TRPM3: variants seen among roughly 807,000 people sequenced by gnomAD.
TRPM3 encodes the protein long transient receptor potential channel 3.
TRPM3 carries 77 observed loss-of-function variants against 181.2 expected under a neutral mutation model. That is an observed-to-expected ratio of 0.42 (90% CI 0.35 to 0.51). The LOEUF is 0.51. Among genes scored for constraint, TRPM3 ranks in the 20% least tolerant of loss-of-function variants. The pLI, the probability that TRPM3 is intolerant of heterozygous loss-of-function variation, is 0.01. For missense variants in TRPM3, 1,759 were observed against 2,196.7 expected (o/e 0.80, Z 3.98); for synonymous variants, 745 against 796.4 (o/e 0.94, Z 1.09).
chr9:70,888,023 A>G (rs1303716943), intron 1 of TRPM3, among the ~76,000 whole-genome samples: 1 of 152,172 alleles, frequency 6.6e-6, no homozygotes, highest in Non-Finnish European at 1.5e-5. Context: ...TACAATGGTA[A>G]TGAACAGTCA....
intron 22 of TRPM3, among the ~76,000 whole-genome samples, chr9:70,587,607 CTTTTCT>C (rs2057360462): frequency 1.3e-5 from 2 of 152,186 alleles, no homozygotes; most frequent in South Asian, 2.1e-4. Flanking sequence ...TGCTGCTCCT[CTTTTCT>C]AAGTGGCTTT....
chr9:70,670,221 A>G (rs1215622385), intron 9 of TRPM3, among the ~76,000 whole-genome samples: 1 of 152,162 alleles, frequency 6.6e-6, no homozygotes, highest in Non-Finnish European at 1.5e-5. Context: ...TTCTGGCATA[A>G]TTATTAATAC....
At chr9:70,779,884 A>C (rs1242683323) in intron 7 of TRPM3, among the ~76,000 whole-genome samples, 1 of 152,182 alleles carries the variant, frequency 6.6e-6, no homozygotes, top group African/African-American at 2.4e-5. Context: ...TATGCCAATG[A>C]GAAAAAAAAT....
intron 1 of TRPM3, among the ~76,000 whole-genome samples, chr9:71,306,529 T>C (rs2087338833): frequency 6.6e-6 from 1 of 152,214 alleles, no homozygotes; most frequent in Admixed American, 6.5e-5. Context: ...GAAAATAGAT[T>C]ATAAATTCAC....
chr9:70,921,430 G>A (rs1304824212), intron 1 of TRPM3, among the ~76,000 whole-genome samples: 2 of 152,204 alleles, frequency 1.3e-5, no homozygotes, highest in African/African-American at 4.8e-5. Flanking sequence ...TTCACAAAGA[G>A]GAAAGCTACA....
chr9:70,881,085 T>A (rs535010008), intron 1 of TRPM3, among the ~76,000 whole-genome samples: 1 of 152,148 alleles, frequency 6.6e-6, no homozygotes, highest in African/African-American at 2.4e-5. Flanking sequence ...TTTTGTTAAA[T>A]TTTTTTTAAC....
At position 71,229,059 on chromosome 9, in the gene TRPM3, T is replaced by A. The variant is rs1266702497; in HGVS notation, c.183+217594A>T. Among the ~76,000 whole-genome samples the A allele has an allele frequency of 5.3e-5, 8 of 152,248 alleles. No individual in the cohort carries two copies. The East Asian group carries it at 1.4e-3, about 26-fold the overall frequency. ...AACTGAAGGAATCACGTTACCTGAC[T>A]TCAAATTATAATACAGAGCTATAGC... is the stretch of plus-strand genomic sequence containing the variant. On this transcript the variant is annotated intron_variant, in intron 1 of 24. Coordinates refer to the TRPM3 transcript ENST00000357533.
intron 1 of TRPM3, among the ~76,000 whole-genome samples, chr9:70,949,419 A>G (rs2096971958): frequency 6.6e-6 from 1 of 152,132 alleles, no homozygotes; most frequent in Non-Finnish European, 1.5e-5. Flanking sequence ...AGCAGACAAC[A>G]TGGAGACCCA....
At chr9:71,167,630 T>A (rs1648892645) in intron 1 of TRPM3, among the ~76,000 whole-genome samples, 3 of 152,290 alleles carry the variant, frequency 2.0e-5, no homozygotes, top group South Asian at 4.1e-4. Flanking sequence ...GCTTCCAGAA[T>A]TCTGAGAGCC....
chr9:70,641,342 C>T (rs970134573), intron 9 of TRPM3, among the ~76,000 whole-genome samples: 1 of 152,202 alleles, frequency 6.6e-6, no homozygotes, highest in Non-Finnish European at 1.5e-5. Flanking sequence ...ACACATTTTG[C>T]TTCTGCTGGC....
At chr9:71,058,240 A>G (rs940084266) in intron 1 of TRPM3, among the ~76,000 whole-genome samples, 2 of 152,078 alleles carry the variant, frequency 1.3e-5, no homozygotes, top group African/African-American at 4.8e-5. Context: ...GATGGATATA[A>G]GGTTGCATAC....
At chr9:70,600,587 G>T (rs1448847643) in intron 20 of TRPM3, among the ~76,000 whole-genome samples, 2 of 152,158 alleles carry the variant, frequency 1.3e-5, no homozygotes, top group Admixed American at 6.5e-5. Context: ...TGGGCCCTCA[G>T]TCTGGAGTTT....
At chr9:70,660,282 G>A (rs544512567) in intron 9 of TRPM3, among the ~76,000 whole-genome samples, 2 of 152,194 alleles carry the variant, frequency 1.3e-5, no homozygotes, top group Admixed American at 1.3e-4. Flanking sequence ...TCTATTCAAA[G>A]ACACCCCTCT....
At chr9:71,329,277 C>G (rs924906498) in intron 1 of TRPM3, among the ~76,000 whole-genome samples, 13 of 152,188 alleles carry the variant, frequency 8.5e-5, no homozygotes, top group Admixed American at 7.2e-4. Context: ...CAAATTAGCA[C>G]CTGCAAAGAA....
rs763705326 is a variant in TRPM3, at chr9:70,681,457, T to A, written c.1345+49A>T. 4 of 1,468,840 alleles carry A rather than the reference T, an allele frequency of 2.7e-6. No homozygotes were observed. In the South Asian group the frequency reaches 4.6e-5, roughly 17 times the overall value. The allele number at this position is 1,468,840 out of a possible 1,614,324, so 91.0% of individuals were successfully genotyped here. A position where few individuals can be genotyped will look rare whatever the true frequency, so the allele number is the denominator to read the frequency against. On this transcript the variant is annotated intron_variant, in intron 9 of 25. Transcript: ENST00000677713. ...TATTAGGAGACATAAGGTCACTGTATTAATTCGTTTAAATTATTTTCACAC... is the reference window on the plus strand; with the variant it reads ...TATTAGGAGACATAAGGTCACTGTAATAATTCGTTTAAATTATTTTCACAC...
intron 1 of TRPM3, among the ~76,000 whole-genome samples, chr9:71,152,335 C>T (rs1347307187): frequency 3.3e-5 from 5 of 152,068 alleles, no homozygotes; most frequent in South Asian, 2.1e-4. Context: ...TTGTACCTTG[C>T]TTCTGAGGAC....
intron 1 of TRPM3, among the ~76,000 whole-genome samples, chr9:70,987,724 T>C (rs1025283298): frequency 6.6e-6 from 1 of 152,144 alleles, no homozygotes; most frequent in Non-Finnish European, 1.5e-5. Context: ...TTCCATTAAG[T>C]AGTACTGCTG....
intron 1 of TRPM3, among the ~76,000 whole-genome samples, chr9:70,994,409 T>G (rs1264949144): frequency 6.6e-6 from 1 of 152,192 alleles, no homozygotes; most frequent in Non-Finnish European, 1.5e-5. Context: ...ACTCACTCCA[T>G]GACTCCTGGG....
At chr9:70,952,322 T>C (rs1352402129) in intron 1 of TRPM3, among the ~76,000 whole-genome samples, 1 of 152,212 alleles carries the variant, frequency 6.6e-6, no homozygotes, top group Non-Finnish European at 1.5e-5. Flanking sequence ...GAATTCATGA[T>C]ACTGTTCTTA....
Sources: gnomAD v4.1 joint callset for allele counts (sites outside exome capture counted in the v4.1 genomes callset) on GRCh38, gnomAD v4.1.1 for gene constraint, MANE v1.5 for transcripts, NCBI Gene and HGNC (gene_info 2026-07-23, HGNC 2026-07-21) for gene names.